Variants in PLEKHA1 observed in about 807,000 individuals in gnomAD.
The protein encoded by PLEKHA1 is pleckstrin homology domain containing A1, also known as pleckstrin homology domain-containing family A member 1.
PLEKHA1 carries 34 observed loss-of-function variants against 52.0 expected under a neutral mutation model. That is an observed-to-expected ratio of 0.65 (90% CI 0.50 to 0.87). PLEKHA1 has a LOEUF of 0.87. PLEKHA1 is among the 40% of genes least tolerant of loss of function. PLEKHA1 has a pLI of 0.00. For synonymous variants in PLEKHA1, 163 were observed against 170.7 expected, an observed-to-expected ratio of 0.95 and a Z score of 0.35; for missense variants, 497 against 504.2, an observed-to-expected ratio of 0.99 and a Z score of 0.14.
At chr10:122,403,589 A>G (rs1316949416) in intron 4 of PLEKHA1, among the ~76,000 whole-genome samples, 1 of 127,794 alleles carries the variant, frequency 7.8e-6, no homozygotes, top group Non-Finnish European at 1.6e-5. Context: ...ATGGCAACTT[A>G]GCAGTGTCAG....
intron 1 of PLEKHA1, among the ~76,000 whole-genome samples, chr10:122,378,992 TTTG>T (rs933933651): frequency 2.6e-5 from 4 of 152,126 alleles, no homozygotes; most frequent in African/African-American, 9.7e-5. Context: ...AAGACAAGTG[TTTG>T]TTATCTGGTG....
rs994317796 is a variant in PLEKHA1 at position 122,432,275 on chromosome 10, T to G, written c.*2337T>G. On this transcript the variant is annotated 3_prime_UTR_variant, in exon 12 of 12. Coordinates refer to ENST00000368990, the MANE Select transcript of PLEKHA1 (RefSeq NM_001001974.4). ...TATATGTGTGCCTCCCAACATTTAC[T>G]GTTAAAGTGTGTTATCTTTATATGT... The G allele has an allele frequency of 1.3e-5, 2 of 152,226 alleles. No individual in the cohort carries two copies. The highest frequency in any genetic ancestry group is 4.8e-5 in the African/African-American group (2 of 41,454). The allele number at this position is 152,226 out of a possible 1,614,324, so 9.4% of individuals were successfully genotyped here. A position where few individuals can be genotyped will look rare whatever the true frequency, so the allele number is the denominator to read the frequency against.
chr10:122,415,241 T>C (rs992618303), intron 6 of PLEKHA1, among the ~76,000 whole-genome samples: 2 of 152,218 alleles, frequency 1.3e-5, no homozygotes, highest in Admixed American at 1.3e-4. Flanking sequence ...TTACATTACA[T>C]TTTCAAAATG....
chr10:122,438,246 G>T, the PLEKHA1 span: 1 of 152,242 alleles, frequency 6.6e-6, no homozygotes, highest in African/African-American at 2.4e-5. Context: ...GATAGAGTGA[G>T]TCACTGTCTC....
chr10:122,406,705 G>A (rs374709467), intron 5 of PLEKHA1, 32 bp downstream of exon 5: 13 of 1,442,604 alleles, frequency 9.0e-6, no homozygotes, highest in African/African-American at 4.2e-5. Context: ...AAAAACGTTC[G>A]ATGTCTGGAA....
At chr10:122,379,121 G>A (rs771131443) in intron 1 of PLEKHA1, among the ~76,000 whole-genome samples, 22 of 152,180 alleles carry the variant, frequency 1.4e-4, no homozygotes, top group Non-Finnish European at 2.2e-4. Context: ...CAGTTTCTGG[G>A]TATGAAATTT....
rs1274241678 is a variant in PLEKHA1 at position 122,432,208 on chromosome 10, T to G, written c.*2270T>G. Reference sequence around the variant, plus strand: ...TTTGAATACCTTAATATTTGCTGCATTTTTTTCCGTATATATAACATGTCT... The same window carrying G: ...TTTGAATACCTTAATATTTGCTGCAGTTTTTTCCGTATATATAACATGTCT... On this transcript the variant is annotated 3_prime_UTR_variant, in exon 12 of 12. Coordinates refer to ENST00000368990, the MANE Select transcript of PLEKHA1 (RefSeq NM_001001974.4). The G allele has an allele frequency of 6.6e-6, 1 of 152,210 alleles. No individual in the cohort carries two copies. Among genetic ancestry groups the G allele is most frequent in the Non-Finnish European group, 1.5e-5 (1 of 68,038 alleles). The allele number at this position is 152,210 out of a possible 1,614,324, so 9.4% of individuals were successfully genotyped here.
At chr10:122,424,168 AC>A in intron 8 of PLEKHA1, 30 bp from the exon 9 acceptor site, 1 of 1,036,856 alleles carries the variant, frequency 9.6e-7, no homozygotes, top group Non-Finnish European at 1.3e-6. Flanking sequence ...ACATCATGTA[AC>A]TGTTTTTTTT....
In PLEKHA1 at chr10:122,417,838, TG is replaced by T. The variant is rs1278889019; in HGVS notation, c.613-60del. 1.8e-5 allele frequency: 23 copies of T among 1,275,106 alleles called. No homozygotes were observed. The East Asian group carries it at 5.3e-4, about 30-fold the overall frequency. The allele number at this position is 1,275,106 out of a possible 1,614,324, so 79.0% of individuals were successfully genotyped here. On this transcript the variant is annotated intron_variant, in intron 7 of 11. Transcript: ENST00000368990. ...GTGGGTTCATATCAGGGTAATTAAG[TG>T]GTGACTAACATTTGACATTCTTAGA...
intron 4 of PLEKHA1, among the ~76,000 whole-genome samples, chr10:122,402,611 C>T (rs753511644): frequency 6.6e-6 from 1 of 152,162 alleles, no homozygotes; most frequent in African/African-American, 2.4e-5. Context: ...ATAGGAGATA[C>T]ATTTTCTGGG....
downstream of PLEKHA1, chr10:122,434,692 A>G (rs1362350193): frequency 3.4e-5 from 5 of 146,656 alleles, no homozygotes; most frequent in African/African-American, 7.5e-5. Flanking sequence ...AGCATTAGGT[A>G]TATCTCCTAA....
intron 1 of PLEKHA1, among the ~76,000 whole-genome samples, chr10:122,379,552 T>G (rs962980392): frequency 2.0e-5 from 3 of 152,228 alleles, no homozygotes; most frequent in African/African-American, 7.2e-5. Context: ...GCCACTGTTT[T>G]GGTGAAGACC....
chr10:122,433,127 A>G (rs930287038), downstream of PLEKHA1: 7 of 152,342 alleles, frequency 4.6e-5, no homozygotes, highest in Non-Finnish European at 8.8e-5. Flanking sequence ...TCAGCCGGGA[A>G]TGACTTTGAA....
intron 3 of PLEKHA1, among the ~76,000 whole-genome samples, chr10:122,398,520 G>A (rs7087144): frequency 0.31 from 47,322 of 150,978 alleles, 8,031 homozygotes; most frequent in Non-Finnish European, 0.4. Context: ...TGTTTGTCAG[G>A]TACATTTTTT....
intron 11 of PLEKHA1, among the ~76,000 whole-genome samples, chr10:122,428,690 AT>A (rs1430131914): frequency 6.6e-6 from 1 of 152,190 alleles, no homozygotes; most frequent in Non-Finnish European, 1.5e-5. Context: ...ATGCAAACTA[AT>A]GCATGCATAT....
At position 122,431,819 on chromosome 10, in the gene PLEKHA1, A is replaced by G. The variant is rs377350911; in HGVS notation, c.*1881A>G. On this transcript the variant is annotated 3_prime_UTR_variant, in exon 12 of 12. Transcript: ENST00000368990. ...ATGAGTTATCACTTTTTCAGCTGAT[A>G]TATTCATTTTAATGGCTTTTTTGAA... The G allele has an allele frequency of 6.6e-6, 1 of 152,374 alleles. No individual in the cohort carries two copies. Among genetic ancestry groups the G allele is most frequent in the African/African-American group, 2.4e-5 (1 of 41,458 alleles). The allele number at this position is 152,374 out of a possible 1,614,324, so 9.4% of individuals were successfully genotyped here. A position where few individuals can be genotyped will look rare whatever the true frequency, so the allele number is the denominator to read the frequency against.
chr10:122,422,207 A>G (rs1009082141), intron 8 of PLEKHA1: 20 of 152,302 alleles, frequency 1.3e-4, no homozygotes, highest in African/African-American at 4.1e-4. Context: ...AGATGGATTG[A>G]TGGGGTTAGA....
At chr10:122,422,043 A>G (rs1323587700) in intron 8 of PLEKHA1, 2 of 152,232 alleles carry the variant, frequency 1.3e-5, no homozygotes, top group African/African-American at 4.8e-5. Flanking sequence ...CACAGAAATT[A>G]CCTTGAAGGA....
rs199794121 is a variant in PLEKHA1 at position 122,424,180 on chromosome 10, T to TTG, written c.682-18_682-17insGT. The TTG allele has an allele frequency of 3.2e-4, 472 of 1,453,148 alleles. No homozygotes were observed. In the East Asian group the frequency reaches 6.9e-3, roughly 21 times the overall value. 90.0% of individuals were successfully genotyped at this position (1,453,148 alleles called of 1,614,324 possible). A position where few individuals can be genotyped will look rare whatever the true frequency, so the allele number is the denominator to read the frequency against. Reference sequence around the variant, plus strand: ...TAAACATCATGTAACTGTTTTTTTTTTTTTTTTTTTTTTGCCAGGAAAAGG... The same window carrying TTG: ...TAAACATCATGTAACTGTTTTTTTTTTGTTTTTTTTTTTTTGCCAGGAAAAGG... On this transcript the variant is annotated intron_variant, in intron 8 of 11. Coordinates refer to ENST00000368990, the MANE Select transcript of PLEKHA1 (RefSeq NM_001001974.4).
Sources: allele counts gnomAD v4.1 joint callset (sites outside exome capture counted in the v4.1 genomes callset), GRCh38; gene constraint gnomAD v4.1.1; transcripts MANE v1.5; gene names NCBI Gene and HGNC (gene_info 2026-07-23, HGNC 2026-07-21).